The following DNAJC13 variants were observed in gnomAD, a reference collection of about 807,000 sequenced individuals.
DNAJC13 encodes the protein DnaJ heat shock protein family (Hsp40) member C13.
In DNAJC13, 75 loss-of-function variants were observed where a neutral mutation model predicts 290.5. That is an observed-to-expected ratio of 0.26 (90% confidence interval 0.21 to 0.31). DNAJC13 has a LOEUF of 0.31. DNAJC13 is among the 10% of genes least tolerant of loss of function. DNAJC13 has a pLI of 1.00. For missense variants in DNAJC13, 2,260 were observed against 2,674.5 expected (o/e 0.85, Z 3.42); for synonymous variants, 862 against 892.0 (o/e 0.97, Z 0.60).
intron 27 of DNAJC13, 140 bp downstream of exon 27, chr3:132,482,470 T>G: frequency 3.4e-6 from 2 of 591,686 alleles, no homozygotes; most frequent in South Asian, 5.0e-5. Flanking sequence ...CAACTCAGTT[T>G]CCACATGAAA....
intron 53 of DNAJC13, among the ~76,000 whole-genome samples, chr3:132,527,616 GGTT>G (rs1936300055): frequency 6.6e-6 from 1 of 152,170 alleles, no homozygotes; most frequent in African/African-American, 2.4e-5. Flanking sequence ...TATCTCACAA[GGTT>G]GTTATGAGAA....
At chr3:132,429,165 T>C (rs1028778192) in intron 1 of DNAJC13, among the ~76,000 whole-genome samples, 1 of 152,276 alleles carries the variant, frequency 6.6e-6, no homozygotes, top group Non-Finnish European at 1.5e-5. Context: ...TTTGTTTTAC[T>C]GCTTAAAATT....
intron 43 of DNAJC13, among the ~76,000 whole-genome samples, chr3:132,508,772 A>AC (rs1323140181): frequency 1.4e-4 from 21 of 152,358 alleles, no homozygotes; most frequent in East Asian, 1.2e-3. Flanking sequence ...AGTTGAAATT[A>AC]TTTTTAAAAA....
At chr3:132,455,789 A>G (rs1933577557) in intron 9 of DNAJC13, among the ~76,000 whole-genome samples, 2 of 152,116 alleles carry the variant, frequency 1.3e-5, no homozygotes, top group African/African-American at 2.4e-5. Context: ...AAGCAAAACT[A>G]TAGAGATAGA....
At chr3:132,428,205 A>G (rs1471915245) in intron 1 of DNAJC13, among the ~76,000 whole-genome samples, 1 of 152,192 alleles carries the variant, frequency 6.6e-6, no homozygotes, top group Non-Finnish European at 1.5e-5. Flanking sequence ...CATAGTTGGT[A>G]CATTTTCTGA....
intron 43 of DNAJC13, among the ~76,000 whole-genome samples, chr3:132,507,750 G>C (rs1935641184): frequency 6.6e-6 from 1 of 151,984 alleles, no homozygotes; most frequent in Admixed American, 6.6e-5. Flanking sequence ...GTCATTCCTT[G>C]GTCTCCCTCT....
intron 55 of DNAJC13, chr3:132,537,207 CG>C: frequency 2.2e-6 from 1 of 456,286 alleles, no homozygotes; most frequent in Admixed American, 2.3e-5. Context: ...ACCTCAGGAG[CG>C]GGCTTTAGAT....
At chr3:132,530,427 A>G (rs1333672437) in intron 54 of DNAJC13, among the ~76,000 whole-genome samples, 1 of 152,234 alleles carries the variant, frequency 6.6e-6, no homozygotes, top group Non-Finnish European at 1.5e-5. Flanking sequence ...ATTCCCACAC[A>G]TGTATTATTT....
intron 20 of DNAJC13, among the ~76,000 whole-genome samples, chr3:132,469,077 A>G (rs1356736101): frequency 6.6e-6 from 1 of 152,202 alleles, no homozygotes; most frequent in Non-Finnish European, 1.5e-5. Context: ...GGGTATTACT[A>G]AAGTTTTGAG....
rs976301241 is a variant in DNAJC13, at chr3:132,456,813, G to T, written c.1330G>T (p.Ala444Ser). The T allele has an allele frequency of 6.2e-7, 1 of 1,612,334 alleles. No homozygotes were observed. The highest frequency in any genetic ancestry group is 1.3e-5 in the African/African-American group (1 of 74,900). Residue 444 changes from alanine to serine, a missense_variant, in exon 12 of 56, where the codon GCT becomes TCT. Ala to Ser is a moderately conservative substitution (Grantham distance 99). Coordinates refer to ENST00000260818, the MANE Select transcript of DNAJC13 (RefSeq NM_015268.4). ...RLVASKAGFL[A>S]FTQLPKFRER... ...TGTGGCATCCAAAGCTGGTTTCCTG[G>T]CTTTCACTCAGCTTCCAAAGTAAGT... is the stretch of plus-strand genomic sequence containing the variant.
chr3:132,449,994 G>T (rs1326138994), intron 5 of DNAJC13, among the ~76,000 whole-genome samples: 1 of 151,990 alleles, frequency 6.6e-6, no homozygotes, highest in Non-Finnish European at 1.5e-5. Context: ...GATAGTAAAT[G>T]GATATTGACT....
At chr3:132,506,228 T>C (rs1026418448) in intron 42 of DNAJC13, among the ~76,000 whole-genome samples, 2 of 151,258 alleles carry the variant, frequency 1.3e-5, no homozygotes, top group Non-Finnish European at 2.9e-5. Context: ...AATTTTGTAT[T>C]TTTAGTAGAG....
intron 44 of DNAJC13, 68 bp downstream of exon 44, chr3:132,511,312 A>G (rs1304385823): frequency 5.8e-6 from 9 of 1,543,826 alleles, no homozygotes; most frequent in African/African-American, 4.2e-5. Flanking sequence ...CCAATAATCA[A>G]TTTTATCAGG....
intron 1 of DNAJC13, among the ~76,000 whole-genome samples, chr3:132,434,211 A>G (rs1939315426): frequency 6.7e-6 from 1 of 148,444 alleles, no homozygotes; most frequent in African/African-American, 2.5e-5. Flanking sequence ...CTCCATCTCA[A>G]AAAAAAAAAA....
chr3:132,446,359 C>A, intron 2 of DNAJC13, 116 bp from the exon 3 acceptor site: 2 of 651,460 alleles, frequency 3.1e-6, no homozygotes, highest in Non-Finnish European at 5.2e-6. Flanking sequence ...ATTTAGTCAC[C>A]ATTAATCAAC....
Position 132,440,189 on chromosome 3 carries a change from G to A in DNAJC13, c.68+5571G>A, listed in dbSNP as rs138500966. Among the ~76,000 whole-genome samples, 499 of 152,298 alleles carry A rather than the reference G, an allele frequency of 3.3e-3. 1 individual carries two copies. The highest frequency in any genetic ancestry group is 6.2e-3 in the Non-Finnish European group (420 of 68,018). ...GGAGAATTGCTTGAACCCAGGAGGC[G>A]GAGGTTGCAGTGAGCTGAGATTACG... On this transcript the variant is annotated intron_variant, in intron 2 of 55. Transcript: ENST00000260818.
chr3:132,471,123 C>A (rs1471381052), intron 20 of DNAJC13, among the ~76,000 whole-genome samples: 1 of 135,956 alleles, frequency 7.4e-6, no homozygotes, highest in Non-Finnish European at 1.6e-5. Context: ...GGGGCTGACC[C>A]CCCCATCTCC....
In DNAJC13 at chr3:132,456,822, C is replaced by T. The variant is rs1933613499; in HGVS notation, c.1339C>T (p.Gln447Ter). ...CAAAGCTGGTTTCCTGGCTTTCACT[C>T]AGCTTCCAAAGTAAGTTGTCTTCTG... ...ASKAGFLAFTQLPKFRERLGV... is the reference protein window; with the variant it reads ...ASKAGFLAFT Residue 447 changes from glutamine to a stop codon, truncating the protein, a stop_gained, in exon 12 of 56, where the codon CAG (glutamine) becomes TAG (stop). Transcript: ENST00000260818. LOFTEE classifies it high-confidence loss of function. 1 of 1,611,888 alleles carries T rather than the reference C, an allele frequency of 6.2e-7. No homozygotes were observed. Among genetic ancestry groups the T allele is most frequent in the African/African-American group, 1.3e-5 (1 of 74,760 alleles).
intron 28 of DNAJC13, chr3:132,484,248 A>G: frequency 6.0e-6 from 2 of 335,286 alleles, no homozygotes; most frequent in Non-Finnish European, 1.1e-5. Flanking sequence ...TCAAGGTTTA[A>G]ATTTATGTAA....
Sources: allele counts gnomAD v4.1 joint callset (sites outside exome capture counted in the v4.1 genomes callset), GRCh38; gene constraint gnomAD v4.1.1; transcripts MANE v1.5; gene names NCBI Gene and HGNC (gene_info 2026-07-23, HGNC 2026-07-21).